The following RERE variants were observed in gnomAD, a reference collection of about 807,000 sequenced individuals.
RERE encodes arginine-glutamic acid dipeptide repeats, also known as arginine-glutamic acid dipeptide repeats protein.
RERE carries 40 observed loss-of-function variants against 146.1 expected under a neutral mutation model. The ratio of observed to expected loss-of-function variants is 0.27; its 90% CI spans 0.21 to 0.36. The LOEUF (loss-of-function observed/expected upper bound fraction) is 0.36. RERE is among the 10% of genes least tolerant of loss of function. The pLI is 1.00. For synonymous variants in RERE, 1,003 were observed against 866.0 expected (o/e 1.16, Z -2.78); for missense variants, 1,933 against 2,138.7 (o/e 0.90, Z 1.90).
At chr1:8,435,224 T>C (rs1644152784) in intron 11 of RERE, among the ~76,000 whole-genome samples, 1 of 152,260 alleles carries the variant, frequency 6.6e-6, no homozygotes, top group Non-Finnish European at 1.5e-5. Flanking sequence ...CTAGCTCTTA[T>C]CACCATATGT....
Position 8,359,775 on chromosome 1 carries a change from C to T in RERE, c.3607G>A (p.Glu1203Lys). 3 of 1,601,112 alleles carry T rather than the reference C, an allele frequency of 1.9e-6. No homozygotes were observed. Among genetic ancestry groups the T allele is most frequent in the Non-Finnish European group, 2.5e-6 (3 of 1,179,442 alleles). ...EREREREREA[E>K]RAAKASSSAH... ...AACCCTGGACTCACAGCCGCCCGCT[C>T]TGCCTCGCGCTCCCGCTCTCGCTCC... Residue 1203 changes from glutamate (E) to lysine (K), a missense_variant, in exon 19 of 23, where the codon GAG (glutamate) becomes AAG (lysine). Coordinates refer to ENST00000400908, the MANE Select transcript of RERE (RefSeq NM_001042681.2).
At chr1:8,720,250 C>A (rs1304881581) in intron 1 of RERE, among the ~76,000 whole-genome samples, 1 of 146,158 alleles carries the variant, frequency 6.8e-6, no homozygotes, top group African/African-American at 2.5e-5. Flanking sequence ...TCCAGCCTGG[C>A]GGCAGCAAGA....
At chr1:8,574,637 T>C (rs1345611393) in intron 4 of RERE, among the ~76,000 whole-genome samples, 1 of 152,180 alleles carries the variant, frequency 6.6e-6, no homozygotes, top group Non-Finnish European at 1.5e-5. Flanking sequence ...TACAAAAACA[T>C]GAATTTCACA....
chr1:8,805,211 A>T (rs997209862), intron 1 of RERE, among the ~76,000 whole-genome samples: 1 of 152,038 alleles, frequency 6.6e-6, no homozygotes, highest in Non-Finnish European at 1.5e-5. Context: ...TACTAGGATT[A>T]AAATAAACTC....
chr1:8,610,780 A>G (rs1187202163), intron 4 of RERE, among the ~76,000 whole-genome samples: 1 of 151,996 alleles, frequency 6.6e-6, no homozygotes, highest in African/African-American at 2.4e-5. Flanking sequence ...TACCCATACT[A>G]CAAGTGAGAA....
At chr1:8,365,771 G>C (rs1641781834) in intron 13 of RERE, 41 bp downstream of exon 13, 1 of 1,606,012 alleles carries the variant, frequency 6.2e-7, no homozygotes, top group South Asian at 1.1e-5. Flanking sequence ...CCCGTGAACA[G>C]TCTCCCCTCC....
At chr1:8,555,269 AAATTTC>A in intron 6 of RERE, among the ~76,000 whole-genome samples, 1 of 152,336 alleles carries the variant, frequency 6.6e-6, no homozygotes, top group Non-Finnish European at 1.5e-5. Flanking sequence ...AATGAAACTC[AAATTTC>A]AATATCCATC....
At chr1:8,783,373 A>C (rs1641202591) in intron 1 of RERE, among the ~76,000 whole-genome samples, 1 of 152,202 alleles carries the variant, frequency 6.6e-6, no homozygotes, top group African/African-American at 2.4e-5. Flanking sequence ...CTGTCGCTCT[A>C]TCTTCAAAAT....
At chr1:8,753,986 C>G (rs752973652) in intron 1 of RERE, 4 of 152,144 alleles carry the variant, frequency 2.6e-5, no homozygotes, top group Admixed American at 6.5e-5. Context: ...TCAAATGTGT[C>G]AAAACTGAAC....
intron 12 of RERE, among the ~76,000 whole-genome samples, chr1:8,385,993 A>AAAAAAT (rs1553159741): frequency 1.9e-4 from 5 of 26,480 alleles, no homozygotes; most frequent in African/African-American, 2.5e-4. Context: ...AAAAAAAAAA[A>AAAAAAT]ATATATATAT....
chr1:8,755,433 G>A (rs142840850), intron 1 of RERE, among the ~76,000 whole-genome samples: 2 of 152,200 alleles, frequency 1.3e-5, no homozygotes, highest in East Asian at 1.9e-4. Context: ...GAAAAGGAAC[G>A]TTTTGTAGAT....
chr1:8,585,022 G>T (rs1191693307), intron 4 of RERE, among the ~76,000 whole-genome samples: 1 of 151,986 alleles, frequency 6.6e-6, no homozygotes, highest in African/African-American at 2.4e-5. Context: ...GGTGGCATAT[G>T]CCTGTGGTCC....
At chr1:8,631,592 T>C (rs1647036093) in intron 2 of RERE, among the ~76,000 whole-genome samples, 1 of 152,214 alleles carries the variant, frequency 6.6e-6, no homozygotes, top group South Asian at 2.1e-4. Context: ...ATATTAGCCA[T>C]GGTTGGACAC....
chr1:8,368,901 C>A (rs75740235), intron 12 of RERE, among the ~76,000 whole-genome samples: 1,916 of 137,316 alleles, frequency 0.014, 37 homozygotes, highest in African/African-American at 0.048. Flanking sequence ...TCCCCCACCT[C>A]AAAAAAAAAA....
At chr1:8,622,330 C>T (rs1181414483) in intron 3 of RERE, among the ~76,000 whole-genome samples, 3 of 151,872 alleles carry the variant, frequency 2.0e-5, no homozygotes, top group Admixed American at 6.6e-5. Context: ...TATTTCACAG[C>T]TATATATTTT....
chr1:8,378,429 G>A (rs758201403), intron 12 of RERE, among the ~76,000 whole-genome samples: 2 of 152,178 alleles, frequency 1.3e-5, no homozygotes, highest in East Asian at 1.9e-4. Context: ...AAATTCCTAC[G>A]TTGAAGCTCT....
chr1:8,765,210 C>A (rs1640824221), intron 1 of RERE, among the ~76,000 whole-genome samples: 1 of 152,148 alleles, frequency 6.6e-6, no homozygotes, highest in African/African-American at 2.4e-5. Context: ...CATGGGTGAA[C>A]CTTGAAAACA....
chr1:8,553,103 C>T (rs1645957519), intron 6 of RERE, among the ~76,000 whole-genome samples: 1 of 150,388 alleles, frequency 6.6e-6, no homozygotes, highest in Non-Finnish European at 1.5e-5. Flanking sequence ...CACAGCACCA[C>T]TAGGCCAGTA....
intron 4 of RERE, among the ~76,000 whole-genome samples, chr1:8,566,128 C>T (rs1646149386): frequency 6.6e-6 from 1 of 152,136 alleles, no homozygotes; most frequent in African/African-American, 2.4e-5. Context: ...CTTCTCCCAA[C>T]CTTGGTGTAT....
Sources: gnomAD v4.1 joint callset for allele counts (sites outside exome capture counted in the v4.1 genomes callset) on GRCh38, gnomAD v4.1.1 for gene constraint, MANE v1.5 for transcripts, NCBI Gene and HGNC (gene_info 2026-07-23, HGNC 2026-07-21) for gene names.